The following ASPRV1 variants were observed in gnomAD, a reference collection of about 807,000 sequenced individuals.
ASPRV1 encodes retroviral-like aspartic protease 1.
ASPRV1 carries 7 observed loss-of-function variants against 11.0 expected under a neutral mutation model. That is an observed-to-expected ratio of 0.64 (90% CI 0.36 to 1.20). ASPRV1 has a LOEUF of 1.20. Ranked by LOEUF, ASPRV1 falls within the 50% of genes most tolerant of loss-of-function variation. The probability of loss-of-function intolerance (pLI) is 0.02; values close to 1 mark genes in which losing one functional copy is unlikely to be tolerated. For synonymous variants in ASPRV1, 136 were observed against 138.4 expected, an observed-to-expected ratio of 0.98 and a Z score of 0.12; for missense variants, 299 against 320.0, an observed-to-expected ratio of 0.93 and a Z score of 0.50.
At chr2:69,952,898 T>C in the ASPRV1 span, among the ~76,000 whole-genome samples, 1 of 152,218 alleles carries the variant, frequency 6.6e-6, no homozygotes, top group African/African-American at 2.4e-5. Context: ...TCCTCCATGT[T>C]ACCTTTGGAA....
At chr2:70,077,883 A>T in the ASPRV1 span, among the ~76,000 whole-genome samples, 1 of 146,872 alleles carries the variant, frequency 6.8e-6, no homozygotes, top group South Asian at 2.2e-4. Flanking sequence ...AATTAAATAA[A>T]TTAGCCGGGC....
the ASPRV1 span, among the ~76,000 whole-genome samples, chr2:69,978,854 C>G: frequency 6.6e-6 from 1 of 152,196 alleles, no homozygotes; most frequent in Non-Finnish European, 1.5e-5. Flanking sequence ...AGAGGCCACA[C>G]GGCAGGTCTG....
At chr2:70,082,702 C>T in the ASPRV1 span, among the ~76,000 whole-genome samples, 2 of 152,174 alleles carry the variant, frequency 1.3e-5, no homozygotes, top group Non-Finnish European at 2.9e-5. Context: ...AAGCGCGAAA[C>T]TCTGTCTCAA....
chr2:70,073,603 A>G, the ASPRV1 span, among the ~76,000 whole-genome samples: 1 of 152,190 alleles, frequency 6.6e-6, no homozygotes, highest in Non-Finnish European at 1.5e-5. Flanking sequence ...GCAGCTTAAC[A>G]AGGAAAGAAA....
the ASPRV1 span, among the ~76,000 whole-genome samples, chr2:69,974,728 G>C: frequency 6.6e-6 from 1 of 152,368 alleles, no homozygotes; most frequent in African/African-American, 2.4e-5. Context: ...GGGGTGGCAG[G>C]AGTTGTGGAT....
the ASPRV1 span, among the ~76,000 whole-genome samples, chr2:70,059,168 G>A: frequency 6.6e-6 from 1 of 151,638 alleles, no homozygotes; most frequent in South Asian, 2.1e-4. Flanking sequence ...TGGGATTACA[G>A]GCGTGAGCCA....
chr2:69,994,620 T>C, the ASPRV1 span, among the ~76,000 whole-genome samples: 1 of 152,198 alleles, frequency 6.6e-6, no homozygotes, highest in African/African-American at 2.4e-5. Context: ...TCTCACTCTA[T>C]GTTGCTCACC....
the ASPRV1 span, among the ~76,000 whole-genome samples, chr2:70,037,032 T>A: frequency 5.3e-5 from 8 of 151,654 alleles, no homozygotes; most frequent in Non-Finnish European, 8.8e-5. Flanking sequence ...ATCTAGGGAG[T>A]CTCCACTCCC....
At chr2:70,073,454 C>T in the ASPRV1 span, among the ~76,000 whole-genome samples, 3 of 152,040 alleles carry the variant, frequency 2.0e-5, no homozygotes, top group Non-Finnish European at 4.4e-5. Context: ...CTCTACTTGC[C>T]TCTGTTTAGA....
the ASPRV1 span, among the ~76,000 whole-genome samples, chr2:69,952,554 G>GAAGAAAAGAA: frequency 6.2e-5 from 9 of 144,510 alleles, no homozygotes; most frequent in East Asian, 4.0e-4. Context: ...GAAGGGAAAG[G>GAAGAAAAGAA]AAGAAAAGAA....
chr2:70,068,991 C>T, the ASPRV1 span: 6 of 148,758 alleles, frequency 4.0e-5, no homozygotes, highest in Non-Finnish European at 8.9e-5. Flanking sequence ...GTCAGTAAAC[C>T]AAAGGCAGAG....
the ASPRV1 span, among the ~76,000 whole-genome samples, chr2:70,002,494 A>G: frequency 1.3e-5 from 2 of 152,202 alleles, no homozygotes; most frequent in Non-Finnish European, 2.9e-5. Context: ...GAAAGAGCTC[A>G]GTTCTAGGCC....
the ASPRV1 span, among the ~76,000 whole-genome samples, chr2:69,952,758 A>T: frequency 6.6e-6 from 1 of 151,474 alleles, no homozygotes; most frequent in East Asian, 2.0e-4. Context: ...ACTAGATGCC[A>T]ATAGTCCCCC....
downstream of ASPRV1, among the ~76,000 whole-genome samples, chr2:69,959,384 T>G (rs926657566): frequency 2.0e-5 from 3 of 152,112 alleles, no homozygotes; most frequent in African/African-American, 7.2e-5. Flanking sequence ...CTGTGGAGAC[T>G]TTTGTCCACT....
the ASPRV1 span, among the ~76,000 whole-genome samples, chr2:69,983,486 G>A: frequency 2.3e-4 from 35 of 152,216 alleles, no homozygotes; most frequent in Non-Finnish European, 4.4e-4. Flanking sequence ...GAAGGCAGGA[G>A]GCCTCAGAGC....
the ASPRV1 span, among the ~76,000 whole-genome samples, chr2:70,027,746 G>A: frequency 2.0e-5 from 3 of 152,206 alleles, no homozygotes; most frequent in Non-Finnish European, 4.4e-5. Flanking sequence ...CATATAGTTA[G>A]ATAAAAGGAA....
At chr2:69,995,012 TAAA>T in the ASPRV1 span, among the ~76,000 whole-genome samples, 9 of 143,654 alleles carry the variant, frequency 6.3e-5, no homozygotes, top group African/African-American at 2.3e-4. Flanking sequence ...AAAAAATAAA[TAAA>T]TAAATTAATT....
the ASPRV1 span, chr2:70,081,567 T>G: frequency 6.6e-6 from 1 of 152,050 alleles, no homozygotes; most frequent in Non-Finnish European, 1.5e-5. Context: ...GGAAAGGCTC[T>G]CTCAATTTAC....
At chr2:69,959,078 G>A (rs1678003199), downstream of ASPRV1, among the ~76,000 whole-genome samples, 3 of 152,282 alleles carry the variant, frequency 2.0e-5, no homozygotes, top group South Asian at 6.2e-4. Context: ...GGGACGGGCA[G>A]CTGATCCTGG....
Sources: gnomAD v4.1 joint callset for allele counts (sites outside exome capture counted in the v4.1 genomes callset) on GRCh38, gnomAD v4.1.1 for gene constraint, MANE v1.5 for transcripts, NCBI Gene and HGNC (gene_info 2026-07-23, HGNC 2026-07-21) for gene names.